The following ST6GAL1 variants were observed in gnomAD, a reference collection of about 807,000 sequenced individuals.
ST6GAL1 encodes the protein beta-galactoside alpha-2,6-sialyltransferase 1.
Under a neutral mutation model 38.0 loss-of-function variants are expected in ST6GAL1, and 20 were observed. The ratio of observed to expected loss-of-function variants is 0.53; its 90% CI spans 0.37 to 0.77. The LOEUF is 0.77. Among genes scored for constraint, ST6GAL1 ranks in the 30% least tolerant of loss-of-function variants. The pLI, the probability that ST6GAL1 is intolerant of heterozygous loss-of-function variation, is 0.00. For missense variants in ST6GAL1, 432 were observed against 496.4 expected, an observed-to-expected ratio of 0.87 and a Z score of 1.23; for synonymous variants, 196 against 188.2, an observed-to-expected ratio of 1.04 and a Z score of -0.34.
At chr3:187,039,166 T>C (rs552423532) in intron 3 of ST6GAL1, among the ~76,000 whole-genome samples, 2 of 152,296 alleles carry the variant, frequency 1.3e-5, no homozygotes, top group East Asian at 3.9e-4. Flanking sequence ...CAACTGGTAC[T>C]GAGTATGTCA....
chr3:186,976,019 T>G (rs985135078), intron 2 of ST6GAL1, among the ~76,000 whole-genome samples: 1 of 152,320 alleles, frequency 6.6e-6, no homozygotes, highest in South Asian at 2.1e-4. Context: ...GGTCTCCTTC[T>G]TCCCCACCCC....
chr3:186,978,574 C>A (rs1334395739), intron 2 of ST6GAL1, among the ~76,000 whole-genome samples: 2 of 152,246 alleles, frequency 1.3e-5, no homozygotes, highest in African/African-American at 4.8e-5. Context: ...CTCTGGCACC[C>A]TTTCCTTTAT....
chr3:186,967,904 C>G (rs1043743109), intron 2 of ST6GAL1, among the ~76,000 whole-genome samples: 2 of 152,214 alleles, frequency 1.3e-5, no homozygotes, highest in African/African-American at 4.8e-5. Flanking sequence ...CGGCACAGCC[C>G]ACTTCCTGCC....
chr3:186,971,581 T>C (rs1170895988), intron 2 of ST6GAL1, among the ~76,000 whole-genome samples: 3 of 152,202 alleles, frequency 2.0e-5, no homozygotes, highest in African/African-American at 7.2e-5. Context: ...CCCCCTCCCA[T>C]CATTTTCAGA....
chr3:186,945,492 T>C (rs1714326472), intron 1 of ST6GAL1, among the ~76,000 whole-genome samples: 1 of 151,980 alleles, frequency 6.6e-6, no homozygotes, highest in Non-Finnish European at 1.5e-5. Context: ...AAAAGATTAA[T>C]CGACAAACAT....
chr3:186,974,604 C>T (rs1481078313), intron 2 of ST6GAL1, among the ~76,000 whole-genome samples: 2 of 151,838 alleles, frequency 1.3e-5, no homozygotes, highest in Non-Finnish European at 2.9e-5. Flanking sequence ...TTAGTGGGGT[C>T]AGCTTTAGAT....
rs1346806548 is a variant in ST6GAL1 at position 187,075,753 on chromosome 3, T to A, written c.1171T>A (p.Tyr391Asn). Residue 391 changes from tyrosine to asparagine, a missense_variant, in exon 8 of 8, where the codon TAC (tyrosine) becomes AAC (asparagine). Tyr to Asn is a moderately radical substitution (Grantham distance 143). Transcript: ENST00000169298. The surrounding 1 kb of genome is among the most constrained non-coding windows in gnomAD (Gnocchi z 4.1). ...HLNQGTDEDI[Y>N]LLGKATLPGF... ...CAACCAGGGCACAGATGAGGACATC[T>A]ACCTGCTTGGAAAAGCCACACTGCC... 6.2e-7 allele frequency: 1 copy of A among 1,614,240 alleles called. No individual in the cohort carries two copies. The highest frequency in any genetic ancestry group is 1.7e-5 in the Admixed American group (1 of 60,026).
intron 1 of ST6GAL1, among the ~76,000 whole-genome samples, chr3:186,963,051 T>C (rs1423195446): frequency 6.6e-6 from 1 of 152,212 alleles, no homozygotes; most frequent in Non-Finnish European, 1.5e-5. Flanking sequence ...GTCTTTTTCA[T>C]TTAATTATAT....
At chr3:186,934,476 C>T (rs952866259) in intron 1 of ST6GAL1, among the ~76,000 whole-genome samples, 1 of 152,056 alleles carries the variant, frequency 6.6e-6, no homozygotes, top group African/African-American at 2.4e-5. Context: ...ACAGGAGAAT[C>T]GCTGGAGCCT....
intron 2 of ST6GAL1, among the ~76,000 whole-genome samples, chr3:186,972,737 A>G (rs1174754133): frequency 2.6e-5 from 4 of 152,106 alleles, no homozygotes; most frequent in African/African-American, 9.7e-5. Context: ...TCACTGACGA[A>G]CTGGGGTAAG....
intron 4 of ST6GAL1, among the ~76,000 whole-genome samples, chr3:187,047,302 C>T (rs547141745): frequency 3.2e-4 from 49 of 151,744 alleles, no homozygotes; most frequent in African/African-American, 9.9e-4. Flanking sequence ...TTTCTTCAAC[C>T]GGACTCAGAA....
intron 2 of ST6GAL1, among the ~76,000 whole-genome samples, chr3:187,017,598 C>T (rs1390636421): frequency 6.6e-6 from 1 of 152,144 alleles, no homozygotes; most frequent in Non-Finnish European, 1.5e-5. Flanking sequence ...TCCATTTGGC[C>T]TTGGACGGGT....
chr3:186,992,711 G>C (rs537849460), intron 2 of ST6GAL1, among the ~76,000 whole-genome samples: 3 of 152,194 alleles, frequency 2.0e-5, no homozygotes, highest in Non-Finnish European at 4.4e-5. Context: ...CAGGAGAATC[G>C]CTTGAACCTG....
At chr3:186,988,205 G>A (rs1019435635) in intron 2 of ST6GAL1, among the ~76,000 whole-genome samples, 57 of 152,262 alleles carry the variant, frequency 3.7e-4, no homozygotes, top group African/African-American at 1.3e-3. Context: ...CAGGATTTCT[G>A]TTCTCATAGA....
chr3:186,967,734 C>T lies in ST6GAL1; in HGVS notation c.-183+3808C>T, dbSNP rs557887303. Reference sequence around the variant, plus strand: ...GAAAGAGCTCCTTGGAAGGCTTGATCGTTAGCCATCACGTCTTTCACTTAA... The same window carrying T: ...GAAAGAGCTCCTTGGAAGGCTTGATTGTTAGCCATCACGTCTTTCACTTAA... On this transcript the variant is annotated intron_variant, in intron 2 of 7. Transcript: ENST00000169298. 4.6e-5 allele frequency among the ~76,000 whole-genome samples: 7 copies of T among 152,318 alleles called. No individual in the cohort carries two copies. The Middle Eastern group carries it at 0.014, about 296-fold the overall frequency.
At chr3:186,955,059 T>C (rs1430664778) in intron 1 of ST6GAL1, among the ~76,000 whole-genome samples, 2 of 152,242 alleles carry the variant, frequency 1.3e-5, no homozygotes, top group Non-Finnish European at 2.9e-5. Context: ...GGATAGCCAA[T>C]TTTCCCAGCA....
chr3:186,999,182 C>A (rs1474971807), intron 2 of ST6GAL1, among the ~76,000 whole-genome samples: 2 of 152,208 alleles, frequency 1.3e-5, no homozygotes, highest in Non-Finnish European at 2.9e-5. Context: ...TAAGGGAATC[C>A]TTTCACTAGG....
chr3:187,001,968 A>AC (rs1293070450), intron 2 of ST6GAL1, among the ~76,000 whole-genome samples: 3 of 151,298 alleles, frequency 2.0e-5, no homozygotes, highest in African/African-American at 4.9e-5. Flanking sequence ...AAAAAAAAAA[A>AC]AAACCCAAAA....
At chr3:187,035,176 C>T (rs1717886691) in intron 2 of ST6GAL1, among the ~76,000 whole-genome samples, 1 of 152,074 alleles carries the variant, frequency 6.6e-6, no homozygotes, top group African/African-American at 2.4e-5. Flanking sequence ...TTTTAAATAC[C>T]TAGGAATACA....
Sources: allele counts gnomAD v4.1 joint callset (sites outside exome capture counted in the v4.1 genomes callset), GRCh38; gene constraint gnomAD v4.1.1; non-coding constraint Gnocchi (gnomAD v3.1); transcripts MANE v1.5; gene names NCBI Gene and HGNC (gene_info 2026-07-23, HGNC 2026-07-21).